Variants in POPDC2 observed in about 807,000 individuals in gnomAD.
The protein encoded by POPDC2 is popeye domain-containing protein 2.
POPDC2 carries 24 observed loss-of-function variants against 30.5 expected under a neutral mutation model. That is an observed-to-expected ratio of 0.79 (90% CI 0.57 to 1.11). The LOEUF (loss-of-function observed/expected upper bound fraction) is 1.11, where lower values mean the gene tolerates loss of function less well. POPDC2 is among the 50% of genes least tolerant of loss of function. POPDC2 has a pLI of 0.00. For synonymous variants in POPDC2, 185 were observed against 183.3 expected, an observed-to-expected ratio of 1.01 and a Z score of -0.07; for missense variants, 409 against 447.0, an observed-to-expected ratio of 0.91 and a Z score of 0.77.
At chr3:119,645,668 A>C (rs765482273) in intron 3 of POPDC2, among the ~76,000 whole-genome samples, 2 of 152,130 alleles carry the variant, frequency 1.3e-5, no homozygotes, top group Non-Finnish European at 2.9e-5. Flanking sequence ...CATAGAATGG[A>C]GGGAACTGCT....
chr3:119,653,634 T>A (rs539627), intron 2 of POPDC2, among the ~76,000 whole-genome samples: 2 of 151,656 alleles, frequency 1.3e-5, no homozygotes, highest in Admixed American at 6.6e-5. Context: ...CCCGCCACCA[T>A]GCCCGGCTAA....
At chr3:119,646,158 A>G (rs561227591) in intron 3 of POPDC2, among the ~76,000 whole-genome samples, 3 of 152,290 alleles carry the variant, frequency 2.0e-5, no homozygotes, top group Admixed American at 6.5e-5. Flanking sequence ...TTAAAAACTA[A>G]TAAGATGGGG....
chr3:119,644,583 G>A (rs1447347715), intron 3 of POPDC2, among the ~76,000 whole-genome samples: 1 of 152,148 alleles, frequency 6.6e-6, no homozygotes, highest in Non-Finnish European at 1.5e-5. Context: ...CTTCAAAAAG[G>A]AGCTCCAGAG....
intron 1 of POPDC2, 32 bp downstream of exon 1, chr3:119,659,897 GGAAA>G: frequency 6.5e-7 from 1 of 1,538,162 alleles, no homozygotes; most frequent in South Asian, 1.3e-5. Context: ...TGTGGGCTGG[GGAAA>G]GAAATTCTGG....
At position 119,645,254 on chromosome 3, in the gene POPDC2, CCT is replaced by C. The variant is rs200200701; in HGVS notation, c.*44-2695_*44-2694del. ...GGGCTTGGGGACTGAGTTGTGATCT[CCT>C]CTCTCATAAAATATCCGCACTGTAG... On this transcript the variant is annotated intron_variant, in intron 3 of 3. Coordinates refer to ENST00000493094, the MANE Select transcript of POPDC2 (RefSeq NM_001369919.2). Among the ~76,000 whole-genome samples, 995 of 152,274 alleles carry C rather than the reference CCT, an allele frequency of 6.5e-3. 5 individuals are homozygous for C. The highest frequency in any genetic ancestry group is 0.022 in the African/African-American group (932 of 41,568).
rs367898955 is a variant in POPDC2, at chr3:119,660,233, C to T, written c.191G>A (p.Cys64Tyr). The T allele has an allele frequency of 6.2e-7, 1 of 1,614,188 alleles. No homozygotes were observed. The highest frequency in any genetic ancestry group is 8.5e-7 in the Non-Finnish European group (1 of 1,180,036). ...GGCACTGAACCAGCCCCACAGCACG[C>T]AGCACAGGTAACCTGCACTCAGGAA... The part of the protein sequence containing the change: ...FGFLSAGYLC[C>Y]VLWGWFSACG... The change falls in exon 1 of 4, where the codon TGC becomes TAC. Residue 64 changes from cysteine to tyrosine, a missense_variant. Physicochemically the swap from Cys to Tyr is radical, Grantham distance 194 (BLOSUM62 -2). Transcript: ENST00000493094.
intron 2 of POPDC2, among the ~76,000 whole-genome samples, chr3:119,651,411 T>C (rs1391065184): frequency 6.6e-6 from 1 of 152,028 alleles, no homozygotes; most frequent in Non-Finnish European, 1.5e-5. Flanking sequence ...AATTATATAA[T>C]TTACTTATTC....
chr3:119,649,659 G>C (rs1361947368), intron 2 of POPDC2, among the ~76,000 whole-genome samples: 2 of 152,186 alleles, frequency 1.3e-5, no homozygotes, highest in Non-Finnish European at 2.9e-5. Flanking sequence ...GATGTTAGCA[G>C]CTAATATTTG....
chr3:119,658,125 G>A (rs1424437795), intron 1 of POPDC2, among the ~76,000 whole-genome samples: 2 of 152,154 alleles, frequency 1.3e-5, no homozygotes. Flanking sequence ...CTGCTGCTTT[G>A]AGATGTTTGG....
intron 1 of POPDC2, among the ~76,000 whole-genome samples, chr3:119,654,963 TG>T (rs2052863225): frequency 6.6e-6 from 1 of 152,212 alleles, no homozygotes; most frequent in African/African-American, 2.4e-5. Context: ...AGGTAGGAAC[TG>T]GATATTATTA....
At chr3:119,642,734 A>C (rs2052704489) in intron 3 of POPDC2, among the ~76,000 whole-genome samples, 173 bp from the exon 4 acceptor site, 1 of 152,178 alleles carries the variant, frequency 6.6e-6, no homozygotes, top group Non-Finnish European at 1.5e-5. Context: ...TCATACTAGA[A>C]TATTAGGGCA....
intron 3 of POPDC2, among the ~76,000 whole-genome samples, chr3:119,646,423 G>A (rs973338606): frequency 6.6e-6 from 1 of 152,070 alleles, no homozygotes; most frequent in African/African-American, 2.4e-5. Flanking sequence ...TTGAGCCCAG[G>A]AGTTCGAGAA....
At chr3:119,657,236 G>A (rs1379375301) in intron 1 of POPDC2, among the ~76,000 whole-genome samples, 2 of 152,118 alleles carry the variant, frequency 1.3e-5, no homozygotes, top group Non-Finnish European at 2.9e-5. Flanking sequence ...CATGACTGCA[G>A]AGAAAAAAAT....
At chr3:119,650,952 C>G (rs549097666) in intron 2 of POPDC2, among the ~76,000 whole-genome samples, 32 of 152,372 alleles carry the variant, frequency 2.1e-4, no homozygotes, top group African/African-American at 7.5e-4. Context: ...GCAGCACCAC[C>G]TGTCCAGTTG....
At position 119,642,548 on chromosome 3, in the gene POPDC2, A is replaced by G; in HGVS notation, c.*57T>C. 6.2e-7 allele frequency: 1 copy of G among 1,611,694 alleles called. No homozygotes were observed. Among genetic ancestry groups the G allele is most frequent in the Non-Finnish European group, 8.5e-7 (1 of 1,177,818 alleles). The stretch of plus-strand genomic sequence containing the variant: ...ATATAACTTGAGAGTAGCTCTGGAG[A>G]GGAATTCTAGAAGCTGTGGAAAGAA... On this transcript the variant is annotated 3_prime_UTR_variant, in exon 4 of 4. Transcript: ENST00000493094.
rs1430053828 is a variant in POPDC2 at position 119,660,563 on chromosome 3, C to G, written c.-140G>C. ...GACTCCACCTTTCCTAGAAGGAATG[C>G]TTCCGGTGGCTTTGGGAAGGAATGA... On this transcript the variant is annotated 5_prime_UTR_variant, in exon 1 of 4. Transcript: ENST00000493094. 1.0e-5 allele frequency: 10 copies of G among 970,406 alleles called. 1 individual carries two copies. In the South Asian group the frequency reaches 1.6e-4, roughly 15 times the overall value. The allele number at this position is 970,406 out of a possible 1,614,324, so 60.1% of individuals were successfully genotyped here. A position where few individuals can be genotyped will look rare whatever the true frequency, so the allele number is the denominator to read the frequency against.
intron 2 of POPDC2, among the ~76,000 whole-genome samples, chr3:119,652,035 G>A (rs536499010): frequency 6.9e-6 from 1 of 143,886 alleles, no homozygotes; most frequent in Admixed American, 7.2e-5. Flanking sequence ...CATATCTGTT[G>A]TAACGTTTTG....
chr3:119,659,173 C>T (rs1321194052), intron 1 of POPDC2, among the ~76,000 whole-genome samples: 2 of 152,246 alleles, frequency 1.3e-5, no homozygotes, highest in East Asian at 3.8e-4. Flanking sequence ...AAGACCATTT[C>T]TGCCCATATC....
chr3:119,654,617 G>C lies in POPDC2; in HGVS notation c.492-4C>G. The stretch of plus-strand genomic sequence containing the variant: ...CCCATCCTGGCTCACACGAACCCTG[G>C]CAAGGGAAGAGAAGAGATCATGTGG... On this transcript the variant is annotated splice_region_variant and splice_polypyrimidine_tract_variant and intron_variant, in intron 1 of 3. Transcript: ENST00000493094. 1 of 1,611,214 alleles carries C rather than the reference G, an allele frequency of 6.2e-7. No homozygotes were observed. Among genetic ancestry groups the C allele is most frequent in the Non-Finnish European group, 8.5e-7 (1 of 1,177,374 alleles).
Sources: gnomAD v4.1 joint callset for allele counts (sites outside exome capture counted in the v4.1 genomes callset) on GRCh38, gnomAD v4.1.1 for gene constraint, MANE v1.5 for transcripts, NCBI Gene and HGNC (gene_info 2026-07-23, HGNC 2026-07-21) for gene names.